The following SGCZ variants were observed in gnomAD, a reference collection of about 807,000 sequenced individuals.
The protein encoded by SGCZ is zeta-sarcoglycan.
In SGCZ, 40 loss-of-function variants were observed where a neutral mutation model predicts 41.3. That is an observed-to-expected ratio of 0.97 (90% CI 0.75 to 1.26). The LOEUF (loss-of-function observed/expected upper bound fraction) is 1.26. Among genes scored for constraint, SGCZ ranks in the 50% most tolerant of loss-of-function variants. The pLI is 0.00. For synonymous variants in SGCZ, 206 were observed against 137.5 expected, an observed-to-expected ratio of 1.50 and a Z score of -3.49; for missense variants, 552 against 369.8, an observed-to-expected ratio of 1.49 and a Z score of -4.04.
chr8:14,768,729 G>C (rs184835264), intron 1 of SGCZ, among the ~76,000 whole-genome samples: 2 of 152,022 alleles, frequency 1.3e-5, no homozygotes, highest in African/African-American at 4.8e-5. Flanking sequence ...TGCTCTCACA[G>C]AACACTTACA....
At chr8:14,945,001 T>A (rs1055987309) in intron 1 of SGCZ, among the ~76,000 whole-genome samples, 2 of 152,074 alleles carry the variant, frequency 1.3e-5, no homozygotes, top group African/African-American at 4.8e-5. Context: ...GACATAAGCA[T>A]CAGTCTTTGA....
intron 4 of SGCZ, among the ~76,000 whole-genome samples, chr8:14,222,993 G>A (rs66963659): frequency 6.6e-6 from 1 of 150,926 alleles, no homozygotes; most frequent in African/African-American, 2.4e-5. Context: ...TGTATTTTTA[G>A]TAGAGACAGG....
intron 1 of SGCZ, among the ~76,000 whole-genome samples, chr8:14,605,822 T>C (rs1805730956): frequency 6.6e-6 from 1 of 152,178 alleles, no homozygotes; most frequent in Non-Finnish European, 1.5e-5. Flanking sequence ...GAATCTTATG[T>C]AGCAAATAAA....
At chr8:14,282,129 T>C (rs530599637) in intron 3 of SGCZ, among the ~76,000 whole-genome samples, 1 of 43,384 alleles carries the variant, frequency 2.3e-5, no homozygotes, top group Non-Finnish European at 6.1e-5. Context: ...ACATCTACTA[T>C]GTAAAAAAAA....
At chr8:14,322,114 G>A (rs191745823) in intron 3 of SGCZ, among the ~76,000 whole-genome samples, 3 of 152,136 alleles carry the variant, frequency 2.0e-5, no homozygotes, top group East Asian at 1.9e-4. Flanking sequence ...GTGGAAGGCA[G>A]TCTGGAGATT....
At chr8:14,873,550 T>G (rs116274018) in intron 1 of SGCZ, among the ~76,000 whole-genome samples, 1 of 151,988 alleles carries the variant, frequency 6.6e-6, no homozygotes, top group Non-Finnish European at 1.5e-5. Flanking sequence ...AGATCAAGAG[T>G]AGCCGTTACA....
intron 2 of SGCZ, among the ~76,000 whole-genome samples, chr8:14,386,134 C>T (rs1031164900): frequency 1.3e-5 from 2 of 151,994 alleles, no homozygotes; most frequent in African/African-American, 2.4e-5. Context: ...TCCACAAATA[C>T]AGAGGCCCAA....
intron 5 of SGCZ, among the ~76,000 whole-genome samples, chr8:14,109,031 C>T (rs1802294313): frequency 6.6e-6 from 1 of 152,126 alleles, no homozygotes; most frequent in African/African-American, 2.4e-5. Context: ...GACAAACCCT[C>T]ATAGATGTTT....
chr8:15,156,835 C>T (rs913888191), intron 1 of SGCZ, among the ~76,000 whole-genome samples: 6 of 151,622 alleles, frequency 4.0e-5, no homozygotes, highest in Non-Finnish European at 2.9e-5. Context: ...ATCCCAGCTA[C>T]TCAGGAGGCT....
chr8:15,207,898 C>G (rs1396414264), intron 1 of SGCZ, among the ~76,000 whole-genome samples: 1 of 152,094 alleles, frequency 6.6e-6, no homozygotes, highest in Non-Finnish European at 1.5e-5. Context: ...GGTAGTTTCT[C>G]AATTTTAATA....
intron 2 of SGCZ, among the ~76,000 whole-genome samples, chr8:14,443,308 G>A (rs1044892401): frequency 1.3e-5 from 2 of 151,938 alleles, no homozygotes; most frequent in Non-Finnish European, 2.9e-5. Context: ...TGGAAAAAAC[G>A]ACTTTAAAGT....
At position 14,486,040 on chromosome 8, in the gene SGCZ, A is replaced by T. The variant is rs1030081310; in HGVS notation, c.234+68692T>A. On this transcript the variant is annotated intron_variant, in intron 2 of 7. Coordinates refer to ENST00000382080, the MANE Select transcript of SGCZ (RefSeq NM_139167.4). ...GTATTTTTAGTAGAGACGGGGTAGA[A>T]CAATTTTTTTAGATCTACTGATACA... 5.3e-5 allele frequency among the ~76,000 whole-genome samples: 8 copies of T among 152,106 alleles called. No individual in the cohort carries two copies. The East Asian group carries it at 1.5e-3, about 29-fold the overall frequency.
chr8:15,060,144 T>G (rs925386708), intron 1 of SGCZ, among the ~76,000 whole-genome samples: 1 of 152,110 alleles, frequency 6.6e-6, no homozygotes, highest in Non-Finnish European at 1.5e-5. Context: ...AGAAATACCA[T>G]TTGACCCAGC....
rs1211998451 is a variant in SGCZ, at chr8:14,856,196, T to C, written c.40-301270A>G. 5.3e-5 allele frequency among the ~76,000 whole-genome samples: 8 copies of C among 152,182 alleles called. No homozygotes were observed. In the East Asian group the frequency reaches 1.5e-3, roughly 29 times the overall value. On this transcript the variant is annotated intron_variant, in intron 1 of 7. Transcript: ENST00000382080. The stretch of plus-strand genomic sequence containing the variant: ...GTGTTTAAGATTTAGCTAAGATTAG[T>C]TATTTAGCGAAGATAAGTTATGATT...
At chr8:14,128,711 A>G (rs889787239) in intron 5 of SGCZ, among the ~76,000 whole-genome samples, 1 of 151,820 alleles carries the variant, frequency 6.6e-6, no homozygotes, top group African/African-American at 2.4e-5. Context: ...GTGTGTATAT[A>G]TACATATACA....
At chr8:14,537,149 A>T (rs1298389914) in intron 2 of SGCZ, among the ~76,000 whole-genome samples, 1 of 151,866 alleles carries the variant, frequency 6.6e-6, no homozygotes, top group Admixed American at 6.6e-5. Flanking sequence ...CCACTCTGTA[A>T]GCTCTGCAAT....
chr8:15,222,753 C>A (rs1409212880), intron 1 of SGCZ, among the ~76,000 whole-genome samples: 1 of 151,824 alleles, frequency 6.6e-6, no homozygotes, highest in African/African-American at 2.4e-5. Flanking sequence ...AGCTTAAACA[C>A]AGAGTGTGTG....
At position 14,645,478 on chromosome 8, in the gene SGCZ, T is replaced by TTATATATATATATATATTTA. The variant is rs1046258520; in HGVS notation, c.40-90553_40-90552insTAAATATATATATATATATA. Among the ~76,000 whole-genome samples, 169 of 106,598 alleles carry TTATATATATATATATATTTA rather than the reference T, an allele frequency of 1.6e-3. 6 individuals carry two copies. The highest frequency in any genetic ancestry group is 4.7e-3 in the African/African-American group (160 of 34,014). The allele number at this position is 106,598 out of a possible 152,430, so 69.9% of individuals were successfully genotyped here. A position where few individuals can be genotyped will look rare whatever the true frequency, so the allele number is the denominator to read the frequency against. On this transcript the variant is annotated intron_variant, in intron 1 of 7. Transcript: ENST00000382080. ...AGTATCATTGATTATATATATATAT[T>TTATATATATATATATATTTA]TATATGTATATATATATATATATGG... is the stretch of plus-strand genomic sequence containing the variant.
chr8:14,515,155 T>C (rs1231421489), intron 2 of SGCZ, among the ~76,000 whole-genome samples: 2 of 151,976 alleles, frequency 1.3e-5, no homozygotes, highest in Non-Finnish European at 2.9e-5. Context: ...CCTGACTGCA[T>C]TACCATTGCT....
Sources: gnomAD v4.1 joint callset for allele counts (sites outside exome capture counted in the v4.1 genomes callset) on GRCh38, gnomAD v4.1.1 for gene constraint, MANE v1.5 for transcripts, NCBI Gene and HGNC (gene_info 2026-07-23, HGNC 2026-07-21) for gene names.